Variants in SPATA13 observed in about 807,000 individuals in gnomAD.
SPATA13 encodes the protein spermatogenesis-associated protein 13.
In SPATA13, 50 loss-of-function variants were observed where a neutral mutation model predicts 104.0. The ratio of observed to expected loss-of-function variants is 0.48; its 90% CI spans 0.38 to 0.61. The LOEUF is 0.61. Ranked by LOEUF, SPATA13 falls within the 20% of genes least tolerant of loss-of-function variation. The pLI is 0.00. For synonymous variants in SPATA13, 606 were observed against 667.5 expected (o/e 0.91, Z 1.42); for missense variants, 1,524 against 1,690.6 (o/e 0.90, Z 1.73).
At chr13:24,247,477 A>ACTTTTTTTTTT (rs1873205627) in intron 2 of SPATA13, among the ~76,000 whole-genome samples, 1 of 28,962 alleles carries the variant, frequency 3.5e-5, no homozygotes, top group Non-Finnish European at 9.8e-5. Flanking sequence ...CTCCACATTC[A>ACTTTTTTTTTT]CTTTTTTTTT....
At chr13:24,136,059 A>C (rs1243287167) in intron 3 of SPATA13, among the ~76,000 whole-genome samples, 1 of 152,242 alleles carries the variant, frequency 6.6e-6, no homozygotes, top group African/African-American at 2.4e-5. Context: ...GAATTTGCTC[A>C]GAGAGCATGA....
At chr13:24,216,409 C>T (rs1871262310) in intron 1 of SPATA13, among the ~76,000 whole-genome samples, 1 of 152,186 alleles carries the variant, frequency 6.6e-6, no homozygotes, top group Non-Finnish European at 1.5e-5. Flanking sequence ...CCCAGTAACC[C>T]CCATAAGGCA....
chr13:24,282,165 TG>T (rs1191194096), intron 4 of SPATA13, among the ~76,000 whole-genome samples: 1 of 150,202 alleles, frequency 6.7e-6, no homozygotes, highest in Non-Finnish European at 1.5e-5. Context: ...AGCATGATGG[TG>T]GGGGGTGGGA....
chr13:24,279,782 C>T (rs1875357842), intron 4 of SPATA13, among the ~76,000 whole-genome samples: 1 of 152,186 alleles, frequency 6.6e-6, no homozygotes, highest in Non-Finnish European at 1.5e-5. Flanking sequence ...GAAGCAAGGA[C>T]ATTCACCCAG....
chr13:24,027,134 G>GTTTTTT (rs59906180), intron 3 of SPATA13, among the ~76,000 whole-genome samples: 5 of 112,076 alleles, frequency 4.5e-5, no homozygotes, highest in African/African-American at 3.5e-5. Flanking sequence ...TTGTTTAGCC[G>GTTTTTT]TTTTTTTTTT....
chr13:24,093,275 T>C (rs1879966705), intron 3 of SPATA13, among the ~76,000 whole-genome samples: 1 of 152,254 alleles, frequency 6.6e-6, no homozygotes, highest in Non-Finnish European at 1.5e-5. Context: ...ACTCAAGCTG[T>C]TCATCCTTCC....
chr13:24,048,950 A>G (rs1878243617), intron 3 of SPATA13, among the ~76,000 whole-genome samples: 1 of 152,226 alleles, frequency 6.6e-6, no homozygotes, highest in Non-Finnish European at 1.5e-5. Context: ...CAAAGAAAAA[A>G]ATGACAAAAC....
intron 3 of SPATA13, among the ~76,000 whole-genome samples, chr13:24,140,502 A>C (rs542204547): frequency 6.6e-6 from 1 of 152,328 alleles, no homozygotes; most frequent in East Asian, 1.9e-4. Flanking sequence ...GGAACCCCAA[A>C]CACAAGGGTC....
At chr13:24,098,624 A>AAAGAAAGAAAGAAAG (rs1482652064) in intron 3 of SPATA13, among the ~76,000 whole-genome samples, 1 of 149,882 alleles carries the variant, frequency 6.7e-6, no homozygotes, top group Non-Finnish European at 1.5e-5. Flanking sequence ...AGAAGAAAAG[A>AAAGAAAGAAAGAAAG]AAGAAAGAAA....
chr13:24,179,391 A>T (rs928323143), intron 1 of SPATA13, among the ~76,000 whole-genome samples: 2 of 152,214 alleles, frequency 1.3e-5, no homozygotes, highest in African/African-American at 4.8e-5. Context: ...TTACATTTCC[A>T]TCAGCTATGT....
intron 3 of SPATA13, among the ~76,000 whole-genome samples, chr13:24,152,052 G>A (rs1357670883): frequency 2.0e-5 from 3 of 152,198 alleles, no homozygotes; most frequent in Admixed American, 6.5e-5. Flanking sequence ...AGTGTGATAC[G>A]TGAACACACT....
chr13:23,980,323 C>T (rs1874822882), intron 1 of SPATA13, among the ~76,000 whole-genome samples: 1 of 152,236 alleles, frequency 6.6e-6, no homozygotes, highest in Non-Finnish European at 1.5e-5. Flanking sequence ...GGCCGAGCCG[C>T]AGCGTGGCTG....
At position 24,243,233 on chromosome 13, in the gene SPATA13, A is replaced by G. The variant is rs563518818; in HGVS notation, c.1654-6244A>G. Reference sequence around the variant, plus strand: ...CATCCTCTTAATTGATATGTGACATATGTTACTACGTTACGGCTCTTTTAA... The same window carrying G: ...CATCCTCTTAATTGATATGTGACATGTGTTACTACGTTACGGCTCTTTTAA... On this transcript the variant is annotated intron_variant, in intron 2 of 12. Transcript: ENST00000382108. 5.0e-4 allele frequency among the ~76,000 whole-genome samples: 76 copies of G among 152,338 alleles called. 1 individual carries two copies. The South Asian group carries it at 9.1e-3, about 18-fold the overall frequency.
At chr13:24,277,066 A>G (rs1205340677) in intron 4 of SPATA13, among the ~76,000 whole-genome samples, 1 of 152,262 alleles carries the variant, frequency 6.6e-6, no homozygotes, top group Non-Finnish European at 1.5e-5. Context: ...ATTACAGAGA[A>G]GATATACCGT....
At chr13:24,076,253 T>C (rs1321766193) in intron 3 of SPATA13, among the ~76,000 whole-genome samples, 1 of 152,180 alleles carries the variant, frequency 6.6e-6, no homozygotes, top group African/African-American at 2.4e-5. Flanking sequence ...AAGTTGATTA[T>C]TAACTATGCA....
rs1871715666 is a variant in SPATA13 at position 24,223,344 on chromosome 13, G to T, written c.415G>T (p.Ala139Ser). 1 of 1,551,334 alleles carries T rather than the reference G, an allele frequency of 6.4e-7. No homozygotes were observed. Among genetic ancestry groups the T allele is most frequent in the Non-Finnish European group, 8.7e-7 (1 of 1,147,002 alleles). Residue 139 changes from alanine (A) to serine (S), a missense_variant, in exon 2 of 13, where the codon GCT becomes TCT. Ala to Ser is a moderately conservative substitution (Grantham distance 99). Transcript: ENST00000382108. ...EGSNACSKGEASEHGLGKSIP... is the reference protein window; with the variant it reads ...EGSNACSKGESSEHGLGKSIP... Reference sequence around the variant, plus strand: ...GTCAAATGCCTGTTCAAAGGGAGAGGCTTCGGAGCATGGCCTGGGAAAGTC... The same window carrying T: ...GTCAAATGCCTGTTCAAAGGGAGAGTCTTCGGAGCATGGCCTGGGAAAGTC...
intron 3 of SPATA13, among the ~76,000 whole-genome samples, chr13:24,074,758 C>T (rs1879274337): frequency 6.6e-6 from 1 of 152,134 alleles, no homozygotes; most frequent in African/African-American, 2.4e-5. Flanking sequence ...GAGGAAGATT[C>T]TTGAATTGGG....
At chr13:24,186,131 T>C (rs11618409) in intron 1 of SPATA13, among the ~76,000 whole-genome samples, 63,505 of 152,014 alleles carry the variant, frequency 0.42, 15,148 homozygotes, top group Non-Finnish European at 0.54. Context: ...TAACTGGGCA[T>C]CACAGTCCTA....
At chr13:24,000,666 A>C (rs1354650502) in intron 2 of SPATA13, among the ~76,000 whole-genome samples, 1 of 152,210 alleles carries the variant, frequency 6.6e-6, no homozygotes, top group East Asian at 1.9e-4. Context: ...CTGTGGGGAA[A>C]GAGGCTTGTG....
Sources: gnomAD v4.1 joint callset for allele counts (sites outside exome capture counted in the v4.1 genomes callset) on GRCh38, gnomAD v4.1.1 for gene constraint, MANE v1.5 for transcripts, NCBI Gene and HGNC (gene_info 2026-07-23, HGNC 2026-07-21) for gene names.